Variants in PTPRD observed in about 807,000 individuals in gnomAD.
PTPRD encodes the protein receptor-type tyrosine-protein phosphatase delta.
In PTPRD, 34 loss-of-function variants were observed where a neutral mutation model predicts 214.5. The observed-to-expected ratio is 0.16, with a 90% CI of 0.12 to 0.21. The LOEUF (loss-of-function observed/expected upper bound fraction) is 0.21, where lower values mean the gene tolerates loss of function less well. Ranked by LOEUF, PTPRD falls within the 10% of genes least tolerant of loss-of-function variation. The pLI is 1.00. For synonymous variants in PTPRD, 1,128 were observed against 845.7 expected (o/e 1.33, Z -5.79); for missense variants, 2,545 against 2,398.7 (o/e 1.06, Z -1.27).
intron 5 of PTPRD, among the ~76,000 whole-genome samples, chr9:9,784,840 TTAA>T (rs2098906835): frequency 6.8e-6 from 1 of 146,892 alleles, no homozygotes; most frequent in South Asian, 2.2e-4. Context: ...GTATGATGTC[TTAA>T]TAATGTATTA....
intron 3 of PTPRD, among the ~76,000 whole-genome samples, chr9:10,229,682 T>C (rs866457762): frequency 4.9e-4 from 54 of 109,448 alleles, no homozygotes; most frequent in Middle Eastern, 6.9e-3. Flanking sequence ...TTGGGGAACA[T>C]CACACTCCGG....
chr9:8,382,248 C>A (rs868660346), intron 37 of PTPRD, among the ~76,000 whole-genome samples: 3 of 152,316 alleles, frequency 2.0e-5, no homozygotes, highest in South Asian at 4.1e-4. Flanking sequence ...AGACATTCTG[C>A]TGATAAAGAA....
chr9:8,644,326 C>G (rs903773307), intron 12 of PTPRD, among the ~76,000 whole-genome samples: 1 of 152,052 alleles, frequency 6.6e-6, no homozygotes, highest in Non-Finnish European at 1.5e-5. Flanking sequence ...GAGAAGATGC[C>G]CACTATGGGT....
intron 12 of PTPRD, chr9:8,713,533 G>T: frequency 7.9e-7 from 1 of 1,267,852 alleles, no homozygotes; most frequent in Non-Finnish European, 1.1e-6. Flanking sequence ...CCCGCTGCGG[G>T]TGAAGAACTT....
chr9:9,026,146 A>G (rs1288128995), intron 10 of PTPRD, among the ~76,000 whole-genome samples: 1 of 151,832 alleles, frequency 6.6e-6, no homozygotes, highest in African/African-American at 2.4e-5. Context: ...GAGATGGCTG[A>G]TAATTTGAGC....
intron 5 of PTPRD, among the ~76,000 whole-genome samples, chr9:9,923,496 G>A (rs970568935): frequency 6.7e-6 from 1 of 150,208 alleles, no homozygotes; most frequent in African/African-American, 2.4e-5. Flanking sequence ...CAAAAAAATC[G>A]ATCTCCAAAC....
intron 11 of PTPRD, among the ~76,000 whole-genome samples, chr9:8,760,246 AATACACACAG>A (rs2094326171): frequency 6.6e-6 from 1 of 151,350 alleles, no homozygotes; most frequent in Non-Finnish European, 1.5e-5. Context: ...CAGAATTTTA[AATACACACAG>A]ATACACACAC....
In PTPRD at chr9:8,631,127, A is replaced by G. The variant is rs143819998; in HGVS notation, c.352+2190T>C. ...AAATGACAATTTTCAGACAAGCTGA[A>G]GTGAACTATGTATGTATATTCAGAA... On this transcript the variant is annotated intron_variant, in intron 14 of 45. Transcript: ENST00000381196. Among the ~76,000 whole-genome samples, 185 of 152,014 alleles carry G rather than the reference A, an allele frequency of 1.2e-3. 2 individuals are homozygous for G. Among genetic ancestry groups the G allele is most frequent in the African/African-American group, 4.3e-3 (179 of 41,518 alleles).
At chr9:8,935,532 C>T (rs1317212562) in intron 11 of PTPRD, among the ~76,000 whole-genome samples, 1 of 152,122 alleles carries the variant, frequency 6.6e-6, no homozygotes, top group Non-Finnish European at 1.5e-5. Flanking sequence ...CTACTTACTA[C>T]CTTTTTTCAT....
intron 9 of PTPRD, among the ~76,000 whole-genome samples, chr9:9,258,887 C>A (rs776328886): frequency 2.6e-5 from 4 of 151,720 alleles, no homozygotes; most frequent in African/African-American, 9.7e-5. Flanking sequence ...GGGATTTAAA[C>A]GGATATCTAA....
chr9:10,071,615 A>G (rs1398909038), intron 3 of PTPRD, among the ~76,000 whole-genome samples: 2 of 152,088 alleles, frequency 1.3e-5, no homozygotes, highest in African/African-American at 4.8e-5. Flanking sequence ...TTATAACTCA[A>G]AACTCAAAAA....
At chr9:8,448,509 G>T (rs1300635978) in intron 34 of PTPRD, among the ~76,000 whole-genome samples, 4 of 151,988 alleles carry the variant, frequency 2.6e-5, no homozygotes, top group Non-Finnish European at 5.9e-5. Flanking sequence ...GCATCCAGAG[G>T]GCTACGACCT....
intron 9 of PTPRD, among the ~76,000 whole-genome samples, chr9:9,322,826 C>T (rs16929154): frequency 4.6e-5 from 7 of 152,046 alleles, no homozygotes; most frequent in East Asian, 1.9e-4. Flanking sequence ...GGCATGTAAG[C>T]ATGTAAGAGT....
intron 2 of PTPRD, among the ~76,000 whole-genome samples, chr9:10,570,008 C>T (rs567787789): frequency 6.6e-6 from 1 of 152,030 alleles, no homozygotes; most frequent in Admixed American, 6.5e-5. Flanking sequence ...CTTATATATA[C>T]TAAACAGGTC....
At chr9:8,723,666 T>C (rs1731293063) in intron 12 of PTPRD, among the ~76,000 whole-genome samples, 1 of 152,220 alleles carries the variant, frequency 6.6e-6, no homozygotes, top group Non-Finnish European at 1.5e-5. Flanking sequence ...CTAAAATCAC[T>C]GTAGATTAAA....
chr9:8,745,589 GGTACCTGTTATTAT>G (rs1220530319), intron 11 of PTPRD, among the ~76,000 whole-genome samples: 3 of 152,022 alleles, frequency 2.0e-5, no homozygotes, highest in African/African-American at 7.2e-5. Context: ...TCTTTAACTT[GGTACCTGTTATTAT>G]GTACCTGTGT....
At chr9:10,395,348 G>A (rs775762701) in intron 2 of PTPRD, among the ~76,000 whole-genome samples, 3 of 150,960 alleles carry the variant, frequency 2.0e-5, no homozygotes, top group Non-Finnish European at 4.4e-5. Context: ...GAGAACATGC[G>A]GTGTTTGGTT....
At chr9:8,932,710 AC>A (rs995590729) in intron 11 of PTPRD, among the ~76,000 whole-genome samples, 7 of 151,538 alleles carry the variant, frequency 4.6e-5, no homozygotes, top group East Asian at 1.9e-4. Flanking sequence ...GTAAAGGTGG[AC>A]CCCCCCTCCC....
chr9:8,430,054 G>A (rs2094939220), intron 35 of PTPRD, among the ~76,000 whole-genome samples: 1 of 152,082 alleles, frequency 6.6e-6, no homozygotes, highest in Admixed American at 6.5e-5. Flanking sequence ...AAAAAATGCT[G>A]TTGTTGTAAC....
Sources: gnomAD v4.1 joint callset for allele counts (sites outside exome capture counted in the v4.1 genomes callset) on GRCh38, gnomAD v4.1.1 for gene constraint, MANE v1.5 for transcripts, NCBI Gene and HGNC (gene_info 2026-07-23, HGNC 2026-07-21) for gene names.